The following DDX46 variants were observed in gnomAD, a reference collection of about 807,000 sequenced individuals.
DDX46 encodes DEAD-box helicase 46, also known as probable ATP-dependent RNA helicase DDX46.
DDX46 carries 30 observed loss-of-function variants against 134.9 expected under a neutral mutation model. That is an observed-to-expected ratio of 0.22 (90% CI 0.17 to 0.30). The LOEUF (loss-of-function observed/expected upper bound fraction) is 0.30. Ranked by LOEUF, DDX46 falls within the 10% of genes least tolerant of loss-of-function variation. The probability of loss-of-function intolerance (pLI) is 1.00; values close to 1 mark genes in which losing one functional copy is unlikely to be tolerated. For synonymous variants in DDX46, 415 were observed against 404.1 expected, an observed-to-expected ratio of 1.03 and a Z score of -0.32; for missense variants, 622 against 1,248.7, an observed-to-expected ratio of 0.50 and a Z score of 7.56.
At chr5:134,781,895 C>A in intron 7 of DDX46, 26 bp from the exon 8 acceptor site, 1 of 1,588,774 alleles carries the variant, frequency 6.3e-7, no homozygotes, top group Non-Finnish European at 8.5e-7. Context: ...GAACTTAGCG[C>A]TTTAATTTTT....
chr5:134,777,876 G>T, intron 6 of DDX46, 151 bp downstream of exon 6: 1 of 814,654 alleles, frequency 1.2e-6, no homozygotes, highest in Non-Finnish European at 1.8e-6. Flanking sequence ...CTGAGTACCA[G>T]AGATACTGGT....
intron 1 of DDX46, among the ~76,000 whole-genome samples, chr5:134,761,849 T>C (rs945437394): frequency 1.3e-5 from 2 of 152,176 alleles, no homozygotes; most frequent in African/African-American, 4.8e-5. Flanking sequence ...CACCACTATC[T>C]CATGCCTGGA....
At chr5:134,822,358 G>T (rs1755479824) in intron 21 of DDX46, among the ~76,000 whole-genome samples, 1 of 151,210 alleles carries the variant, frequency 6.6e-6, no homozygotes, top group Non-Finnish European at 1.5e-5. Flanking sequence ...TAAGAGACAG[G>T]GTCTTGATCT....
In DDX46 at chr5:134,794,922, A is replaced by G; in HGVS notation, c.1699A>G (p.Met567Val). The G allele has an allele frequency of 6.2e-7, 1 of 1,614,216 alleles. No individual in the cohort carries two copies. ...VMFSATFPRA[M>V]EALARRILSK... Reference sequence around the variant, plus strand: ...GTTTTCAGCTACTTTCCCCAGAGCTATGGAGGCTTTGGCTCGCAGGATCCT... The same window carrying G: ...GTTTTCAGCTACTTTCCCCAGAGCTGTGGAGGCTTTGGCTCGCAGGATCCT... The change falls in exon 14 of 23, where the codon ATG (methionine) becomes GTG (valine). Residue 567 changes from methionine (M) to valine (V), a missense_variant. Met to Val is a conservative substitution (Grantham distance 21). Around this residue, in one of 8 missense-constraint regions of DDX46, gnomAD observed 209 missense variants for 508.4 expected, o/e 0.41. Coordinates refer to ENST00000452510, the MANE Select transcript of DDX46 (RefSeq NM_001300860.2).
intron 21 of DDX46, chr5:134,826,511 T>C (rs1454003165): frequency 1.3e-5 from 2 of 152,852 alleles, no homozygotes; most frequent in African/African-American, 4.8e-5. Context: ...CTAGTCCTCC[T>C]TTCATTTTAA....
chr5:134,783,327 C>T (rs1169717051), intron 9 of DDX46, among the ~76,000 whole-genome samples: 2 of 150,754 alleles, frequency 1.3e-5, no homozygotes, highest in African/African-American at 4.9e-5. Flanking sequence ...TCACTGCGCT[C>T]ACTGTGACCT....
At chr5:134,824,321 G>A (rs999608271) in intron 21 of DDX46, among the ~76,000 whole-genome samples, 4 of 152,168 alleles carry the variant, frequency 2.6e-5, no homozygotes, top group Non-Finnish European at 4.4e-5. Context: ...GGCCGGGCGC[G>A]GTGGCTCACG....
At position 134,773,647 on chromosome 5, in the gene DDX46, T is replaced by A; in HGVS notation, c.448-49T>A. 2.0e-6 allele frequency: 3 copies of A among 1,525,762 alleles called. No homozygotes were observed. In the South Asian group the frequency reaches 3.9e-5, roughly 20 times the overall value. 94.5% of individuals were successfully genotyped at this position (1,525,762 alleles called of 1,614,324 possible). The stretch of plus-strand genomic sequence containing the variant: ...CTTGGAGCAAAATTATTAAATTTGG[T>A]TTTGCTTTTTATTTTCCCCCATCTC... On this transcript the variant is annotated intron_variant, in intron 4 of 22. Coordinates refer to ENST00000452510, the MANE Select transcript of DDX46 (RefSeq NM_001300860.2).
intron 2 of DDX46, among the ~76,000 whole-genome samples, chr5:134,765,345 A>T (rs1188097741): frequency 6.7e-6 from 1 of 149,320 alleles, no homozygotes; most frequent in Non-Finnish European, 1.5e-5. Context: ...GGAGTTTGAG[A>T]CCAGCCTGGC....
Position 134,777,561 on chromosome 5 carries a change from TC to T in DDX46, c.614-12del. The T allele has an allele frequency of 6.2e-7, 1 of 1,612,252 alleles. No homozygotes were observed. Among genetic ancestry groups the T allele is most frequent in the Non-Finnish European group, 8.5e-7 (1 of 1,179,704 alleles). On this transcript the variant is annotated splice_polypyrimidine_tract_variant and intron_variant, in intron 5 of 22. Transcript: ENST00000452510. ...AAACAGATGTTTAAAGAATGTGTATTCTGGTATTTTAGATGACGAAGATGAT... is the reference window on the plus strand; with the variant it reads ...AAACAGATGTTTAAAGAATGTGTATTTGGTATTTTAGATGACGAAGATGAT...
In DDX46 at chr5:134,781,219, G is replaced by A. The variant is rs199916851; in HGVS notation, c.852G>A (p.Leu284=). ...ATTCTGATAAGAAGAAAGGTGAGCTGATGGAGAATGACCAGGATGCCATGG... is the reference window on the plus strand; with the variant it reads ...ATTCTGATAAGAAGAAAGGTGAGCTAATGGAGAATGACCAGGATGCCATGG... ...VVDSDKKKGE[L]MENDQDAMEY... Residue 284 remains leucine (L), a synonymous_variant, in exon 7 of 23, where the codon CTG becomes CTA. Coordinates refer to ENST00000452510, the MANE Select transcript of DDX46 (RefSeq NM_001300860.2). The A allele has an allele frequency of 3.2e-5, 52 of 1,605,390 alleles. No individual in the cohort carries two copies. The highest frequency in any genetic ancestry group is 1.3e-5 in the African/African-American group (1 of 74,270).
At chr5:134,790,941 C>T (rs749128955) in intron 13 of DDX46, among the ~76,000 whole-genome samples, 1 of 152,040 alleles carries the variant, frequency 6.6e-6, no homozygotes, top group Non-Finnish European at 1.5e-5. Context: ...TCTCCTGCCT[C>T]AGCCTCCCGA....
chr5:134,822,740 T>A (rs1199543013), intron 21 of DDX46, among the ~76,000 whole-genome samples: 1 of 152,078 alleles, frequency 6.6e-6, no homozygotes, highest in Non-Finnish European at 1.5e-5. Flanking sequence ...TATGTCCAGC[T>A]AAATTTTTGT....
chr5:134,761,171 G>A (rs754554115), intron 1 of DDX46, among the ~76,000 whole-genome samples: 1 of 152,068 alleles, frequency 6.6e-6, no homozygotes, highest in African/African-American at 2.4e-5. Context: ...GACTGCAAGC[G>A]TGTGCCACCA....
chr5:134,784,338 C>G, intron 9 of DDX46, 28 bp from the exon 10 acceptor site: 1 of 1,576,726 alleles, frequency 6.3e-7, no homozygotes, highest in Non-Finnish European at 8.6e-7. Flanking sequence ...CAATTCTTAC[C>G]TTTTCTTCCT....
At chr5:134,776,354 A>G (rs559932223) in intron 5 of DDX46, among the ~76,000 whole-genome samples, 2 of 152,122 alleles carry the variant, frequency 1.3e-5, no homozygotes, top group South Asian at 2.1e-4. Context: ...AGATGGTGCC[A>G]CTGCACTCCA....
chr5:134,778,510 A>C (rs1754020800), intron 6 of DDX46, among the ~76,000 whole-genome samples: 1 of 152,162 alleles, frequency 6.6e-6, no homozygotes, highest in Non-Finnish European at 1.5e-5. Flanking sequence ...CTCCCGCTAC[A>C]AGCCCCTGGC....
At chr5:134,811,134 T>TGAG in intron 16 of DDX46, 87 bp from the exon 17 acceptor site, 1 of 1,193,452 alleles carries the variant, frequency 8.4e-7, no homozygotes, top group Non-Finnish European at 1.2e-6. Context: ...CTCGAGGATT[T>TGAG]ATTAGGTGGA....
chr5:134,813,915 A>T (rs1755217359), intron 18 of DDX46, among the ~76,000 whole-genome samples: 1 of 152,044 alleles, frequency 6.6e-6, no homozygotes, highest in Non-Finnish European at 1.5e-5. Context: ...ATGAGCCACC[A>T]TGCCCAGCCC....
Sources: gnomAD v4.1 joint callset for allele counts (sites outside exome capture counted in the v4.1 genomes callset) on GRCh38, gnomAD v4.1.1 for gene constraint, gnomAD v4.1.1 regional missense constraint, MANE v1.5 for transcripts, NCBI Gene and HGNC (gene_info 2026-07-23, HGNC 2026-07-21) for gene names.